The following TMPRSS12 variants were observed in gnomAD, a reference collection of about 807,000 sequenced individuals.
The protein encoded by TMPRSS12 is transmembrane serine protease 12, also known as transmembrane protease serine 12.
In TMPRSS12, 25 loss-of-function variants were observed where a neutral mutation model predicts 26.0. The observed-to-expected ratio is 0.96, with a 90% CI of 0.70 to 1.34. The LOEUF is 1.34. Ranked by LOEUF, TMPRSS12 falls within the 40% of genes most tolerant of loss-of-function variation. The pLI is 0.00. For synonymous variants in TMPRSS12, 150 were observed against 161.7 expected (o/e 0.93, Z 0.55); for missense variants, 441 against 440.1 (o/e 1.00, Z -0.02).
At chr12:50,855,710 C>A (rs1202473567) in intron 2 of TMPRSS12, among the ~76,000 whole-genome samples, 1 of 152,156 alleles carries the variant, frequency 6.6e-6, no homozygotes, top group East Asian at 1.9e-4. Flanking sequence ...ACTGGATATA[C>A]ACCTAAAGAA....
At chr12:50,860,991 G>T (rs829141) in intron 3 of TMPRSS12, among the ~76,000 whole-genome samples, 98,555 of 151,996 alleles carry the variant, frequency 0.65, 32,258 homozygotes, top group Non-Finnish European at 0.7. Context: ...CAATCTAGCC[G>T]CTTCGGTCTC....
chr12:50,872,256 G>C (rs1293040655), intron 3 of TMPRSS12, among the ~76,000 whole-genome samples: 1 of 152,062 alleles, frequency 6.6e-6, no homozygotes, highest in Non-Finnish European at 1.5e-5. Flanking sequence ...GCTCACGCCT[G>C]TAATCCCAGC....
At chr12:50,865,332 C>CA (rs1258472287) in intron 3 of TMPRSS12, among the ~76,000 whole-genome samples, 1 of 151,714 alleles carries the variant, frequency 6.6e-6, no homozygotes, top group Non-Finnish European at 1.5e-5. Flanking sequence ...GACTCTGTCT[C>CA]AAAAAACAAA....
At chr12:50,845,594 T>TA (rs1937760179) in intron 2 of TMPRSS12, among the ~76,000 whole-genome samples, 1 of 152,210 alleles carries the variant, frequency 6.6e-6, no homozygotes, top group African/African-American at 2.4e-5. Context: ...ATTTTCTCAG[T>TA]TGATAGCATC....
chr12:50,867,574 T>C (rs991995574), intron 3 of TMPRSS12, among the ~76,000 whole-genome samples: 1 of 152,064 alleles, frequency 6.6e-6, no homozygotes, highest in African/African-American at 2.4e-5. Flanking sequence ...GAGGAAAACT[T>C]CCCCAGCCTT....
chr12:50,864,192 T>C (rs1468631818), intron 3 of TMPRSS12, among the ~76,000 whole-genome samples: 1 of 152,156 alleles, frequency 6.6e-6, no homozygotes, highest in East Asian at 1.9e-4. Context: ...AGCTGAGAAT[T>C]TAGTTTAAAA....
chr12:50,884,309 G>T (rs1938202624), intron 3 of TMPRSS12, among the ~76,000 whole-genome samples: 1 of 152,034 alleles, frequency 6.6e-6, no homozygotes, highest in Admixed American at 6.6e-5. Flanking sequence ...ACTTACAAAG[G>T]AAATAACAAA....
At chr12:50,843,685 T>C (rs1937736174) in intron 1 of TMPRSS12, among the ~76,000 whole-genome samples, 157 bp from the exon 2 acceptor site, 1 of 152,202 alleles carries the variant, frequency 6.6e-6, no homozygotes. Context: ...GTCTTAACTC[T>C]CCAAGTTTCT....
rs887687473 is a variant in TMPRSS12, at chr12:50,862,822, C to T, written c.652+3769C>T. On this transcript the variant is annotated intron_variant, in intron 3 of 4. Coordinates refer to ENST00000398458, the MANE Select transcript of TMPRSS12 (RefSeq NM_182559.3). ...GACTACAGGCGTGAGCCCCTGCACCCGCCTTGTTCTTATATATATAGTATA... is the reference window on the plus strand; with the variant it reads ...GACTACAGGCGTGAGCCCCTGCACCTGCCTTGTTCTTATATATATAGTATA... 4.6e-5 allele frequency among the ~76,000 whole-genome samples: 7 copies of T among 151,900 alleles called. No homozygotes were observed. In the East Asian group the frequency reaches 5.8e-4, roughly 13 times the overall value.
rs1592219104 is a variant in TMPRSS12 at position 50,858,747 on chromosome 12, T to A, written c.384-38T>A. ...GATTAAGAATATGTACTTAGTTAAT[T>A]AAAGATATTTATAATAAGAATGTTT... On this transcript the variant is annotated intron_variant, in intron 2 of 4. Transcript: ENST00000398458. 20 of 1,420,234 alleles carry A rather than the reference T, an allele frequency of 1.4e-5. No individual in the cohort carries two copies. In the East Asian group the frequency reaches 4.1e-4, roughly 29 times the overall value. The allele number at this position is 1,420,234 out of a possible 1,614,324, so 88.0% of individuals were successfully genotyped here.
At chr12:50,861,815 T>TC (rs1451959188) in intron 3 of TMPRSS12, among the ~76,000 whole-genome samples, 1 of 116,910 alleles carries the variant, frequency 8.6e-6, no homozygotes, top group Non-Finnish European at 1.6e-5. Context: ...TTAATATATC[T>TC]TTTTTTTTTT....
intron 3 of TMPRSS12, among the ~76,000 whole-genome samples, chr12:50,863,820 T>C (rs1937961951): frequency 6.6e-6 from 1 of 151,606 alleles, no homozygotes; most frequent in Admixed American, 6.6e-5. Context: ...TGTTTTTTTG[T>C]GGTGGTTTCA....
chr12:50,864,895 G>A (rs939976827), intron 3 of TMPRSS12, among the ~76,000 whole-genome samples: 8 of 152,008 alleles, frequency 5.3e-5, no homozygotes, highest in African/African-American at 1.2e-4. Context: ...TCCTGACCTC[G>A]TGATCCACCC....
At chr12:50,863,050 A>T (rs1457513363) in intron 3 of TMPRSS12, among the ~76,000 whole-genome samples, 1 of 151,884 alleles carries the variant, frequency 6.6e-6, no homozygotes, top group Non-Finnish European at 1.5e-5. Flanking sequence ...CAGGTATGGT[A>T]GTGCATGTCT....
In TMPRSS12 at chr12:50,842,968, C is replaced by T. The variant is rs762795636; in HGVS notation, c.4C>T (p.Arg2Trp). Residue 2 changes from arginine to tryptophan, a missense_variant, in exon 1 of 5, where the codon CGG (arginine) becomes TGG (tryptophan). Transcript: ENST00000398458. Reference sequence around the variant, plus strand: ...ATCTTGCTCACCAGCCTCCAAAATGCGGCTGGGGCTCCTGAGCGTGGCGCT... The same window carrying T: ...ATCTTGCTCACCAGCCTCCAAAATGTGGCTGGGGCTCCTGAGCGTGGCGCT... Reference protein sequence around the residue: MRLGLLSVALLF... With the variant: MWLGLLSVALLF... The T allele has an allele frequency of 1.3e-6, 2 of 1,582,692 alleles. No homozygotes were observed. Among genetic ancestry groups the T allele is most frequent in the African/African-American group, 1.3e-5 (1 of 74,132 alleles).
intron 1 of TMPRSS12, among the ~76,000 whole-genome samples, chr12:50,843,544 A>G (rs947584379): frequency 3.3e-5 from 5 of 152,180 alleles, no homozygotes; most frequent in African/African-American, 1.2e-4. Context: ...TTTAACTGCT[A>G]TTTCACACAG....
intron 2 of TMPRSS12, among the ~76,000 whole-genome samples, chr12:50,851,557 C>T (rs1316238878): frequency 4.6e-5 from 7 of 151,896 alleles, no homozygotes; most frequent in Non-Finnish European, 7.4e-5. Context: ...GTAAAGAGAC[C>T]AAACCTACAA....
intron 3 of TMPRSS12, among the ~76,000 whole-genome samples, chr12:50,865,151 G>C (rs942150640): frequency 6.6e-6 from 1 of 152,074 alleles, no homozygotes; most frequent in African/African-American, 2.4e-5. Context: ...AGCCAACATG[G>C]TGAAACCCCC....
intron 4 of TMPRSS12, chr12:50,885,742 G>T: frequency 2.1e-6 from 1 of 482,278 alleles, no homozygotes; most frequent in Non-Finnish European, 3.6e-6. Flanking sequence ...TGCAACCTCT[G>T]CCTCCCAGGT....
Sources: gnomAD v4.1 joint callset for allele counts (sites outside exome capture counted in the v4.1 genomes callset) on GRCh38, gnomAD v4.1.1 for gene constraint, MANE v1.5 for transcripts, NCBI Gene and HGNC (gene_info 2026-07-23, HGNC 2026-07-21) for gene names.